The following ATP2B2 variants were observed in gnomAD, a reference collection of about 807,000 sequenced individuals.
ATP2B2 encodes plasma membrane calcium-transporting ATPase 2.
Under a neutral mutation model 120.0 loss-of-function variants are expected in ATP2B2, and 15 were observed. The observed-to-expected ratio is 0.12, with a 90% CI of 0.08 to 0.19. The LOEUF (loss-of-function observed/expected upper bound fraction) is 0.19. ATP2B2 is among the 10% of genes least tolerant of loss of function. The pLI is 1.00. For missense variants in ATP2B2, 1,045 were observed against 1,719.8 expected, an observed-to-expected ratio of 0.61 and a Z score of 6.94; for synonymous variants, 694 against 700.3, an observed-to-expected ratio of 0.99 and a Z score of 0.14.
At chr3:10,410,159 T>C (rs908061915) in intron 3 of ATP2B2, among the ~76,000 whole-genome samples, 1 of 152,186 alleles carries the variant, frequency 6.6e-6, no homozygotes, top group African/African-American at 2.4e-5. Flanking sequence ...TTATATTTTT[T>C]ATTTCCATAG....
intron 1 of ATP2B2, among the ~76,000 whole-genome samples, chr3:10,634,722 G>T (rs879595): frequency 6.6e-6 from 1 of 152,096 alleles, no homozygotes; most frequent in Admixed American, 6.5e-5. Flanking sequence ...ACAGAAGAGT[G>T]CATGAATGCC....
Position 10,349,798 on chromosome 3 carries a change from T to C in ATP2B2, c.2404+314A>G, listed in dbSNP as rs911481583. Among the ~76,000 whole-genome samples, 9 of 152,110 alleles carry C rather than the reference T, an allele frequency of 5.9e-5. No homozygotes were observed. In the South Asian group the frequency reaches 1.9e-3, roughly 31 times the overall value. The stretch of plus-strand genomic sequence containing the variant: ...AAATCCATCATTTAAAAAGGCGCTG[T>C]ACCGGCCACATAGAACACGTCTGTG... On this transcript the variant is annotated intron_variant, in intron 16 of 22. Transcript: ENST00000360273.
intron 12 of ATP2B2, among the ~76,000 whole-genome samples, chr3:10,361,842 C>A (rs2060908760): frequency 6.6e-6 from 1 of 152,246 alleles, no homozygotes; most frequent in Admixed American, 6.5e-5. Flanking sequence ...AAGCCCAGCA[C>A]ACAGCAGGTG....
chr3:10,401,207 T>G, intron 4 of ATP2B2, 129 bp from the exon 5 acceptor site: 1 of 1,269,934 alleles, frequency 7.9e-7, no homozygotes, highest in Non-Finnish European at 1.1e-6. Flanking sequence ...TCCCAGGGTG[T>G]AGGAACCAAG....
At chr3:10,632,986 A>G (rs1449833440) in intron 1 of ATP2B2, among the ~76,000 whole-genome samples, 1 of 152,214 alleles carries the variant, frequency 6.6e-6, no homozygotes, top group Non-Finnish European at 1.5e-5. Flanking sequence ...TCTCTGTGTG[A>G]CTTCTGACCA....
intron 2 of ATP2B2, among the ~76,000 whole-genome samples, chr3:10,588,912 C>G (rs2068578145): frequency 6.6e-6 from 1 of 152,218 alleles, no homozygotes; most frequent in Non-Finnish European, 1.5e-5. Flanking sequence ...AGAGAGTTGT[C>G]TGCGGCTGGC....
intron 1 of ATP2B2, among the ~76,000 whole-genome samples, chr3:10,655,352 T>C (rs1173647518): frequency 6.6e-6 from 1 of 152,198 alleles, no homozygotes; most frequent in Non-Finnish European, 1.5e-5. Flanking sequence ...GCTTGGAAGC[T>C]TGTTAGAAAT....
chr3:10,505,179 T>C (rs866718180), intron 1 of ATP2B2, among the ~76,000 whole-genome samples: 4 of 152,112 alleles, frequency 2.6e-5, no homozygotes, highest in South Asian at 4.2e-4. Flanking sequence ...CATCCGCTTG[T>C]CCGAGGCCCC....
chr3:10,512,820 G>A (rs2066799212), intron 3 of ATP2B2, among the ~76,000 whole-genome samples: 1 of 152,200 alleles, frequency 6.6e-6, no homozygotes. Flanking sequence ...CCGAAGTGGT[G>A]CAAAGAGTTT....
At position 10,449,868 on chromosome 3, in the gene ATP2B2, G is replaced by A; in HGVS notation, c.-319-6C>T. On this transcript the variant is annotated splice_region_variant and splice_polypyrimidine_tract_variant and intron_variant, in intron 1 of 22. Coordinates refer to ENST00000360273, the MANE Select transcript of ATP2B2 (RefSeq NM_001001331.4). ...ATGGTCAGGGGTGGTGGCTCCTGTG[G>A]GACAAGCACAGAGTGAGTGACAAAG... 4 of 419,106 alleles carry A rather than the reference G, an allele frequency of 9.5e-6. No individual in the cohort carries two copies. Among genetic ancestry groups the A allele is most frequent in the Non-Finnish European group, 1.4e-5 (3 of 222,028 alleles). The allele number at this position is 419,106 out of a possible 1,614,324, so 26.0% of individuals were successfully genotyped here. A position where few individuals can be genotyped will look rare whatever the true frequency, so the allele number is the denominator to read the frequency against.
intron 1 of ATP2B2, among the ~76,000 whole-genome samples, chr3:10,478,988 C>T (rs2065302572): frequency 6.6e-6 from 1 of 152,176 alleles, no homozygotes. Context: ...CTCTCTTCTG[C>T]CACCATGTAA....
intron 1 of ATP2B2, among the ~76,000 whole-genome samples, chr3:10,695,084 T>C (rs1031957550): frequency 6.6e-6 from 1 of 152,124 alleles, no homozygotes; most frequent in Admixed American, 6.5e-5. Flanking sequence ...TGAGTCTGTT[T>C]TCATGCTGCC....
chr3:10,370,901 C>G (rs558947485), intron 12 of ATP2B2, among the ~76,000 whole-genome samples: 1 of 152,298 alleles, frequency 6.6e-6, no homozygotes, highest in East Asian at 1.9e-4. Context: ...CTGAGGCAAC[C>G]TGTGCTTCTA....
intron 1 of ATP2B2, among the ~76,000 whole-genome samples, chr3:10,471,406 GCGTGCA>G (rs1393553130): frequency 2.0e-5 from 3 of 151,890 alleles, no homozygotes; most frequent in Non-Finnish European, 4.4e-5. Flanking sequence ...GTGTTTGTGT[GCGTGCA>G]CGTGTGCGTG....
intron 1 of ATP2B2, among the ~76,000 whole-genome samples, chr3:10,665,274 T>C (rs553791593): frequency 3.9e-5 from 6 of 152,330 alleles, no homozygotes; most frequent in African/African-American, 1.2e-4. Context: ...ACAGGCCCTT[T>C]GCACAGGCTG....
At chr3:10,497,040 T>C (rs995376607) in intron 1 of ATP2B2, among the ~76,000 whole-genome samples, 15 of 152,160 alleles carry the variant, frequency 9.9e-5, no homozygotes, top group African/African-American at 3.6e-4. Flanking sequence ...TGCAGGATGG[T>C]TGGCAGGCTC....
chr3:10,679,674 T>C (rs908109739), intron 1 of ATP2B2, among the ~76,000 whole-genome samples: 3 of 152,218 alleles, frequency 2.0e-5, no homozygotes, highest in African/African-American at 7.2e-5. Context: ...GGTGAACACA[T>C]TGTTGTATAG....
intron 2 of ATP2B2, among the ~76,000 whole-genome samples, chr3:10,613,587 C>T (rs867127039): frequency 2.0e-5 from 3 of 152,294 alleles, no homozygotes; most frequent in South Asian, 4.1e-4. Flanking sequence ...CTTTTTCCTT[C>T]TAATCTCACC....
At chr3:10,678,438 C>G (rs1211827198) in intron 1 of ATP2B2, among the ~76,000 whole-genome samples, 1 of 152,200 alleles carries the variant, frequency 6.6e-6, no homozygotes, top group Non-Finnish European at 1.5e-5. Flanking sequence ...AAGCTGCCCA[C>G]AGCAAGCAAG....
Sources: gnomAD v4.1 joint callset for allele counts (sites outside exome capture counted in the v4.1 genomes callset) on GRCh38, gnomAD v4.1.1 for gene constraint, MANE v1.5 for transcripts, NCBI Gene and HGNC (gene_info 2026-07-23, HGNC 2026-07-21) for gene names.